The following SSBP4 variants were observed in gnomAD, a reference collection of about 807,000 sequenced individuals.
SSBP4 encodes single-stranded DNA-binding protein 4.
A neutral mutation model predicts 64.6 loss-of-function variants in SSBP4; 33 were observed. The ratio of observed to expected loss-of-function variants is 0.51; its 90% CI spans 0.39 to 0.68. SSBP4 has a LOEUF of 0.68. SSBP4 is among the 30% of genes least tolerant of loss of function. SSBP4 has a pLI of 0.00. For missense variants in SSBP4, 583 were observed against 566.8 expected (o/e 1.03, Z -0.29); for synonymous variants, 243 against 224.0 (o/e 1.08, Z -0.76).
intron 1 of SSBP4, among the ~76,000 whole-genome samples, chr19:18,425,408 C>G (rs1206740018): frequency 6.6e-6 from 1 of 152,208 alleles, no homozygotes; most frequent in African/African-American, 2.4e-5. Flanking sequence ...CTCTCTTCCA[C>G]ACCTGGCAGG....
rs867451595 is a variant in SSBP4, at chr19:18,431,387, C to A, written c.404C>A (p.Pro135His). 6.7e-7 allele frequency: 1 copy of A among 1,493,862 alleles called. No homozygotes were observed. The highest frequency in any genetic ancestry group is 9.0e-7 in the Non-Finnish European group (1 of 1,105,386). The allele number at this position is 1,493,862 out of a possible 1,614,324, so 92.5% of individuals were successfully genotyped here. The change falls in exon 6 of 18, where the codon CCC becomes CAC. Residue 135 changes from proline to histidine, a missense_variant. Physicochemically the swap from Pro to His is moderately conservative, Grantham distance 77. Coordinates refer to ENST00000270061, the MANE Select transcript of SSBP4 (RefSeq NM_032627.5). ...PPGSQPSPHN[P>H]NAPMMGPHGQ... ...GGCTCCCAGCCGTCCCCCCACAACC[C>A]CAACGCCCCCATGATGGGGCCTCAC...
At position 18,432,714 on chromosome 19, in the gene SSBP4, C is replaced by T. The variant is rs1418689652; in HGVS notation, c.765C>T (p.Ser255=). The stretch of plus-strand genomic sequence containing the variant: ...CTTGTCCCCAGATCCCCTACTCCTC[C>T]TCATCCCCCGGCAGCTACACCGTAA... ...SPSGNSIPYS[S]SSPGSYTGPP... The change falls in exon 12 of 18, where the codon TCC becomes TCT. Residue 255 remains serine, a synonymous_variant. Coordinates refer to ENST00000270061, the MANE Select transcript of SSBP4 (RefSeq NM_032627.5). 2 of 1,580,996 alleles carry T rather than the reference C, an allele frequency of 1.3e-6. No homozygotes were observed. Among genetic ancestry groups the T allele is most frequent in the East Asian group, 2.3e-5 (1 of 44,392 alleles).
the SSBP4 span, among the ~76,000 whole-genome samples, chr19:18,404,296 C>T: frequency 6.6e-6 from 1 of 151,890 alleles, no homozygotes; most frequent in African/African-American, 2.4e-5. Flanking sequence ...CTTTCAGAGA[C>T]ATTCAGAGAC....
Position 18,427,705 on chromosome 19 carries a change from G to T in SSBP4, c.133-47G>T, listed in dbSNP as rs370874352. 37 of 1,541,626 alleles carry T rather than the reference G, an allele frequency of 2.4e-5. 1 individual carries two copies. The South Asian group carries it at 4.3e-4, about 18-fold the overall frequency. ...TCTGGGCACCCTGCTGGGTGGTGGG[G>T]CAGGGTCAGGTAGGGCCACCCCCTC... On this transcript the variant is annotated intron_variant, in intron 2 of 17. Transcript: ENST00000270061. The surrounding 1 kb of genome is among the most constrained non-coding windows in gnomAD (Gnocchi z 4.4).
At chr19:18,418,194 A>T (rs866330467), upstream of SSBP4, among the ~76,000 whole-genome samples, 9 of 152,276 alleles carry the variant, frequency 5.9e-5, 1 homozygote, top group Middle Eastern at 3.4e-3. This position sits in a 1 kb window ranked among gnomAD's most constrained non-coding sequence, Gnocchi z 6.7. Flanking sequence ...CCCCCCACGC[A>T]CAAGGATGCA....
At chr19:18,404,648 T>C in the SSBP4 span, among the ~76,000 whole-genome samples, 1 of 140,678 alleles carries the variant, frequency 7.1e-6, no homozygotes, top group Non-Finnish European at 1.5e-5. Context: ...ATCCCAGCAC[T>C]TAGGGAGGCT....
At chr19:18,402,886 G>A in the SSBP4 span, among the ~76,000 whole-genome samples, 11 of 152,156 alleles carry the variant, frequency 7.2e-5, no homozygotes, top group Non-Finnish European at 1.2e-4. Context: ...CCCGACACCC[G>A]TGAAGGGTCT....
chr19:18,432,763 C>G, intron 12 of SSBP4, 28 bp downstream of exon 12: 1 of 1,611,864 alleles, frequency 6.2e-7, no homozygotes, highest in South Asian at 1.1e-5. Flanking sequence ...TGGGTCACCC[C>G]TGGGCAGGGG....
At position 18,427,711 on chromosome 19, in the gene SSBP4, T is replaced by G; in HGVS notation, c.133-41T>G. ...CACCCTGCTGGGTGGTGGGGCAGGGTCAGGTAGGGCCACCCCCTCACCACC... is the reference window on the plus strand; with the variant it reads ...CACCCTGCTGGGTGGTGGGGCAGGGGCAGGTAGGGCCACCCCCTCACCACC... On this transcript the variant is annotated intron_variant, in intron 2 of 17. Coordinates refer to ENST00000270061, the MANE Select transcript of SSBP4 (RefSeq NM_032627.5). The surrounding 1 kb of genome is among the most constrained non-coding windows in gnomAD (Gnocchi z 4.4). The G allele has an allele frequency of 1.9e-6, 3 of 1,546,508 alleles. No individual in the cohort carries two copies. The highest frequency in any genetic ancestry group is 2.6e-6 in the Non-Finnish European group (3 of 1,141,662).
chr19:18,428,047 G>A, intron 4 of SSBP4, 65 bp downstream of exon 4: 3 of 1,193,684 alleles, frequency 2.5e-6, no homozygotes, highest in African/African-American at 1.5e-5. Flanking sequence ...TGTGGCTGGG[G>A]AGGTGGGGTG....
Position 18,432,702 on chromosome 19 carries a change from C to T in SSBP4, c.753C>T (p.Ile251=), listed in dbSNP as rs540946779. The T allele has an allele frequency of 7.6e-6, 12 of 1,573,504 alleles. No homozygotes were observed. The highest frequency in any genetic ancestry group is 9.5e-6 in the Non-Finnish European group (11 of 1,155,524). ...GPWASPSGNS[I]PYSSSSPGSY... Reference sequence around the variant, plus strand: ...CTCACAGCTGCCCTTGTCCCCAGATCCCCTACTCCTCCTCATCCCCCGGCA... The same window carrying T: ...CTCACAGCTGCCCTTGTCCCCAGATTCCCTACTCCTCCTCATCCCCCGGCA... The change falls in exon 12 of 18, where the codon ATC becomes ATT. Residue 251 remains isoleucine (I), a splice_region_variant and synonymous_variant. Coordinates refer to ENST00000270061, the MANE Select transcript of SSBP4 (RefSeq NM_032627.5).
chr19:18,425,383 T>C lies in SSBP4; in HGVS notation c.60-1968T>C, dbSNP rs147775691. 7.4e-3 allele frequency among the ~76,000 whole-genome samples: 1,122 copies of C among 152,196 alleles called. 11 individuals are homozygous for C. The highest frequency in any genetic ancestry group is 0.019 in the South Asian group (93 of 4,828). ...CATGCCCCCTGCTCTGACCCCTAAG[T>C]GGCTGGGGTGGGAACTCTCTTCCAC... On this transcript the variant is annotated intron_variant, in intron 1 of 17. Transcript: ENST00000270061.
chr19:18,428,612 C>T (rs1568350077), intron 4 of SSBP4, among the ~76,000 whole-genome samples: 1 of 152,154 alleles, frequency 6.6e-6, no homozygotes, highest in Non-Finnish European at 1.5e-5. Context: ...GCTGGACCAC[C>T]TGGCCCCCTC....
At chr19:18,433,277 C>T (rs906694477) in intron 15 of SSBP4, 64 bp downstream of exon 15, 2 of 1,517,208 alleles carry the variant, frequency 1.3e-6, no homozygotes, top group Non-Finnish European at 1.8e-6. Flanking sequence ...CTGGCTGCTT[C>T]CCCCTGCCGT....
At chr19:18,431,461 TC>T in intron 6 of SSBP4, 43 bp downstream of exon 6, 1 of 1,082,666 alleles carries the variant, frequency 9.2e-7, no homozygotes. Context: ...ACACATCCCC[TC>T]CCCCAGCGCC....
intron 17 of SSBP4, 24 bp downstream of exon 17, chr19:18,433,841 C>T (rs1208628141): frequency 4.4e-6 from 6 of 1,366,470 alleles, no homozygotes; most frequent in African/African-American, 1.8e-5. Context: ...TCGACTCCCC[C>T]CCCGCGGCGG....
the SSBP4 span, among the ~76,000 whole-genome samples, chr19:18,407,735 T>C: frequency 4.6e-5 from 7 of 151,898 alleles, no homozygotes; most frequent in East Asian, 7.7e-4. Flanking sequence ...CCGGCCTTAG[T>C]AATTTTTGTT....
intron 5 of SSBP4, 49 bp downstream of exon 5, chr19:18,430,979 C>T (rs1421024046): frequency 6.3e-6 from 10 of 1,587,556 alleles, no homozygotes; most frequent in African/African-American, 1.3e-5. Context: ...GCTGAACATG[C>T]GTTTGAGGGT....
chr19:18,410,262 C>T, the SSBP4 span, among the ~76,000 whole-genome samples: 3 of 152,226 alleles, frequency 2.0e-5, no homozygotes, highest in South Asian at 6.2e-4. Context: ...TCCCAAAGTG[C>T]TGGGATTACA....
Sources: allele counts gnomAD v4.1 joint callset (sites outside exome capture counted in the v4.1 genomes callset), GRCh38; gene constraint gnomAD v4.1.1; non-coding constraint Gnocchi (gnomAD v3.1); transcripts MANE v1.5; gene names NCBI Gene and HGNC (gene_info 2026-07-23, HGNC 2026-07-21).